NFIC: variants seen among roughly 807,000 people sequenced by gnomAD.
NFIC encodes nuclear factor 1 C-type.
A neutral mutation model predicts 54.4 loss-of-function variants in NFIC; 12 were observed. The observed-to-expected ratio is 0.22, with a 90% CI of 0.14 to 0.36. NFIC has a LOEUF of 0.36. Ranked by LOEUF, NFIC falls within the 10% of genes least tolerant of loss-of-function variation. The pLI is 1.00. For synonymous variants in NFIC, 322 were observed against 319.2 expected (o/e 1.01, Z -0.09); for missense variants, 575 against 718.2 (o/e 0.80, Z 2.28).
In NFIC at chr19:3,459,159, CT is replaced by C. The variant is rs918353172; in HGVS notation, c.1509+2526del. ...GCCTCCTCTATTCCTGGCGGATTCG[CT>C]TCCCTCTGCCCCCTCCTCCCCCAAA... On this transcript the variant is annotated intron_variant, in intron 10 of 10. Coordinates refer to ENST00000443272, the MANE Select transcript of NFIC (RefSeq NM_001245002.2). This position sits in a 1 kb window ranked among gnomAD's most constrained non-coding sequence, Gnocchi z 4.2. Among the ~76,000 whole-genome samples, 7 of 152,074 alleles carry C rather than the reference CT, an allele frequency of 4.6e-5. No homozygotes were observed. Among genetic ancestry groups the C allele is most frequent in the African/African-American group, 1.7e-4 (7 of 41,426 alleles).
In NFIC at chr19:3,463,030, TCTCGGGACG is replaced by T; in HGVS notation, c.*263_*271del. On this transcript the variant is annotated 3_prime_UTR_variant, in exon 11 of 11. Coordinates refer to ENST00000443272, the MANE Select transcript of NFIC (RefSeq NM_001245002.2). ...AAGGTAAAGACGCAACGTTTCCAAC[TCTCGGGACG>T]CCAAGGCCGCAGGACTGGAGGGCCA... 7.5e-7 allele frequency: 1 copy of T among 1,335,404 alleles called. No homozygotes were observed. Among genetic ancestry groups the T allele is most frequent in the Non-Finnish European group, 9.6e-7 (1 of 1,046,342 alleles). The allele number at this position is 1,335,404 out of a possible 1,614,324, so 82.7% of individuals were successfully genotyped here.
At chr19:3,411,429 G>A (rs2081757845) in intron 2 of NFIC, among the ~76,000 whole-genome samples, 2 of 146,192 alleles carry the variant, frequency 1.4e-5, no homozygotes, top group African/African-American at 2.5e-5. Context: ...CCGGGTTCAA[G>A]CAATTCTCCT....
intron 1 of NFIC, among the ~76,000 whole-genome samples, chr19:3,377,175 A>AG (rs1212399085): frequency 6.6e-6 from 1 of 151,474 alleles, no homozygotes; most frequent in Admixed American, 6.6e-5. Context: ...AAAAAAAAAA[A>AG]TACAAAAAAT....
intron 6 of NFIC, among the ~76,000 whole-genome samples, chr19:3,442,310 G>C (rs566375953): frequency 6.6e-6 from 1 of 152,022 alleles, no homozygotes; most frequent in Admixed American, 6.6e-5. Context: ...GTCCACAGGC[G>C]GTTATTACAC....
At chr19:3,364,474 C>CG (rs1305573138), upstream of NFIC, among the ~76,000 whole-genome samples, 9 of 152,156 alleles carry the variant, frequency 5.9e-5, no homozygotes, top group African/African-American at 2.2e-4. Flanking sequence ...GTGTGTGCTG[C>CG]GGGGGTCCCT....
At chr19:3,409,451 G>T (rs139870365) in intron 2 of NFIC, among the ~76,000 whole-genome samples, 3 of 152,156 alleles carry the variant, frequency 2.0e-5, no homozygotes, top group African/African-American at 4.8e-5. Flanking sequence ...ATGATCTGAG[G>T]CTTCCTCCAT....
chr19:3,366,357 G>A (rs1253567222), upstream of NFIC, among the ~76,000 whole-genome samples: 1 of 150,420 alleles, frequency 6.6e-6, no homozygotes, highest in Non-Finnish European at 1.5e-5. Flanking sequence ...GTGGGAGGGG[G>A]AGGGTGTCAG....
chr19:3,430,936 AAAAAAAAAAAG>A (rs2082110396), intron 3 of NFIC, among the ~76,000 whole-genome samples: 1 of 150,324 alleles, frequency 6.7e-6, no homozygotes, highest in Non-Finnish European at 1.5e-5. Context: ...CGTCTCAAAA[AAAAAAAAAAAG>A]AAAAGAAAAA....
chr19:3,398,139 G>A (rs373309759), intron 2 of NFIC, among the ~76,000 whole-genome samples: 44 of 152,212 alleles, frequency 2.9e-4, no homozygotes, highest in Admixed American at 5.2e-4. Flanking sequence ...TTCATCCGCC[G>A]TGCAGACTTG....
At chr19:3,366,563 G>GGGGGGT, upstream of NFIC, 2 of 782,870 alleles carry the variant, frequency 2.6e-6, no homozygotes, top group South Asian at 3.9e-5. Flanking sequence ...GGGCGGGGGG[G>GGGGGGT]TGGTTTGGAA....
intron 1 of NFIC, among the ~76,000 whole-genome samples, chr19:3,368,693 C>G (rs1246380276): frequency 6.6e-6 from 1 of 152,112 alleles, no homozygotes; most frequent in Non-Finnish European, 1.5e-5. Context: ...TGTCTTCAGC[C>G]TGAATGTAAT....
upstream of NFIC, chr19:3,366,527 CGCGGGGCGGGGG>C: frequency 2.7e-6 from 1 of 366,412 alleles, no homozygotes; most frequent in Non-Finnish European, 3.9e-6. Context: ...GCGCGCCGGC[CGCGGGGCGGGGG>C]GGGGGGTTGG....
At chr19:3,368,362 C>A (rs575089181) in intron 1 of NFIC, among the ~76,000 whole-genome samples, 1 of 152,208 alleles carries the variant, frequency 6.6e-6, no homozygotes, top group South Asian at 2.1e-4. Flanking sequence ...TTAGTAAGAA[C>A]CCCAGTCCAG....
rs975725100 is a variant in NFIC, at chr19:3,370,543, C to T, written c.30+3877C>T. Among the ~76,000 whole-genome samples, 2 of 150,534 alleles carry T rather than the reference C, an allele frequency of 1.3e-5. No homozygotes were observed. Among genetic ancestry groups the T allele is most frequent in the African/African-American group, 4.9e-5 (2 of 40,906 alleles). ...TCCCCCCATCTCGCTCTCTCCTCCT[C>T]TCTCCCTCTCTCCTTCTCTGTCTCC... On this transcript the variant is annotated intron_variant, in intron 1 of 10. Coordinates refer to ENST00000443272, the MANE Select transcript of NFIC (RefSeq NM_001245002.2). This position sits in a 1 kb window ranked among gnomAD's most constrained non-coding sequence, Gnocchi z 5.2.
chr19:3,370,692 G>GTCTA lies in NFIC; in HGVS notation c.30+4029_30+4030insATCT. Among the ~76,000 whole-genome samples the GTCTA allele has an allele frequency of 1.8e-5, 1 of 54,620 alleles. No individual in the cohort carries two copies. The highest frequency in any genetic ancestry group is 2.0e-4 in the Admixed American group (1 of 5,010). 35.8% of individuals were successfully genotyped at this position (54,620 alleles called of 152,430 possible). On this transcript the variant is annotated intron_variant, in intron 1 of 10. Coordinates refer to ENST00000443272, the MANE Select transcript of NFIC (RefSeq NM_001245002.2). The surrounding 1 kb of genome is among the most constrained non-coding windows in gnomAD (Gnocchi z 5.2). The stretch of plus-strand genomic sequence containing the variant: ...CTCTCTGTTCCTCTTCTTTCTCTCT[G>GTCTA]TCTGTCTCTTTCTTTCTCCCTCCCT...
At chr19:3,365,220 C>T (rs532719958), upstream of NFIC, among the ~76,000 whole-genome samples, 4 of 152,188 alleles carry the variant, frequency 2.6e-5, no homozygotes, top group Non-Finnish European at 4.4e-5. Context: ...GGGCCTGGGG[C>T]ACCTGCCCCA....
At chr19:3,400,167 G>A (rs1426540939) in intron 2 of NFIC, among the ~76,000 whole-genome samples, 5 of 151,558 alleles carry the variant, frequency 3.3e-5, no homozygotes, top group East Asian at 2.0e-4. Flanking sequence ...ATACTGCAGT[G>A]AACAGGACAG....
intron 1 of NFIC, among the ~76,000 whole-genome samples, chr19:3,380,126 G>A (rs1410590219): frequency 2.6e-5 from 4 of 151,482 alleles, no homozygotes; most frequent in African/African-American, 9.7e-5. Context: ...TCAGCCTCCT[G>A]AGTAGCTGGG....
chr19:3,381,837 C>G lies in NFIC; in HGVS notation c.156C>G (p.Asp52Glu), dbSNP rs778072650. 6.2e-6 allele frequency: 10 copies of G among 1,614,010 alleles called. No individual in the cohort carries two copies. In the South Asian group the frequency reaches 1.1e-4, roughly 18 times the overall value. The part of the protein sequence containing the change: ...FKKHEKRMSK[D>E]EERAVKDELL... ...AGCACGAGAAGCGGATGTCGAAGGACGAGGAGCGTGCGGTCAAGGACGAGC... is the reference window on the plus strand; with the variant it reads ...AGCACGAGAAGCGGATGTCGAAGGAGGAGGAGCGTGCGGTCAAGGACGAGC... Residue 52 changes from aspartate to glutamate, a missense_variant, in exon 2 of 11, where the codon GAC becomes GAG. Around this residue, in one of 3 missense-constraint regions of NFIC, gnomAD observed 122 missense variants for 158.0 expected, o/e 0.77. Transcript: ENST00000443272.
Sources: allele counts gnomAD v4.1 joint callset (sites outside exome capture counted in the v4.1 genomes callset), GRCh38; gene constraint gnomAD v4.1.1; regional missense constraint gnomAD v4.1.1; non-coding constraint Gnocchi (gnomAD v3.1); transcripts MANE v1.5; gene names NCBI Gene and HGNC (gene_info 2026-07-23, HGNC 2026-07-21).